TBC1D19: variants seen among roughly 807,000 people sequenced by gnomAD.
TBC1D19 encodes TBC1 domain family, member 19.
TBC1D19 carries 60 observed loss-of-function variants against 89.0 expected under a neutral mutation model. That is an observed-to-expected ratio of 0.67 (90% CI 0.55 to 0.84). The LOEUF is 0.84. TBC1D19 is among the 40% of genes least tolerant of loss of function. The pLI is 0.00. For missense variants in TBC1D19, 500 were observed against 610.8 expected (o/e 0.82, Z 1.91); for synonymous variants, 189 against 199.7 (o/e 0.95, Z 0.45).
intron 1 of TBC1D19, among the ~76,000 whole-genome samples, chr4:26,589,084 C>T (rs998859997): frequency 6.6e-6 from 1 of 151,962 alleles, no homozygotes; most frequent in Non-Finnish European, 1.5e-5. Context: ...AGACCAGCCT[C>T]GCCAACATGG....
intron 7 of TBC1D19, among the ~76,000 whole-genome samples, chr4:26,652,904 G>A (rs13128027): frequency 4.0e-5 from 6 of 151,672 alleles, no homozygotes; most frequent in Admixed American, 6.6e-5. Flanking sequence ...TCTTGCCTTC[G>A]GCTAGCTTTT....
the TBC1D19 span, chr4:26,857,953 C>T: frequency 1.3e-5 from 2 of 152,254 alleles, no homozygotes; most frequent in African/African-American, 2.4e-5. Flanking sequence ...AAGTGCGATG[C>T]GTTTATCCTA....
chr4:26,692,441 G>A (rs117450602), intron 13 of TBC1D19, among the ~76,000 whole-genome samples: 1 of 152,272 alleles, frequency 6.6e-6, no homozygotes, highest in East Asian at 1.9e-4. Flanking sequence ...GAGAAGACCA[G>A]AGGCTACCAC....
chr4:26,842,675 A>AT, the TBC1D19 span, among the ~76,000 whole-genome samples: 1 of 58,596 alleles, frequency 1.7e-5, no homozygotes, highest in Non-Finnish European at 3.6e-5. Context: ...TCTTTCTCTT[A>AT]TTTTTTTGTA....
At chr4:26,644,389 C>A (rs983697595) in intron 7 of TBC1D19, among the ~76,000 whole-genome samples, 2 of 152,184 alleles carry the variant, frequency 1.3e-5, no homozygotes, top group Non-Finnish European at 2.9e-5. Context: ...ATGCTAAAAA[C>A]TCTCAATAAA....
chr4:26,681,306 A>AGGCG (rs1713317794), intron 11 of TBC1D19, among the ~76,000 whole-genome samples: 1 of 152,026 alleles, frequency 6.6e-6, no homozygotes, highest in African/African-American at 2.4e-5. Context: ...TGGGAGGCTG[A>AGGCG]GGCGGGCAGA....
rs534309173 is a variant in TBC1D19, at chr4:26,734,671, C to T, written c.1085-784C>T. Among the ~76,000 whole-genome samples, 4 of 152,152 alleles carry T rather than the reference C, an allele frequency of 2.6e-5. No individual in the cohort carries two copies. The South Asian group carries it at 6.2e-4, about 24-fold the overall frequency. Reference sequence around the variant, plus strand: ...TAATTTTCAGTTAGTTTACTTAACACCCATAGTGTTTTCTGTAAAGCAAAT... The same window carrying T: ...TAATTTTCAGTTAGTTTACTTAACATCCATAGTGTTTTCTGTAAAGCAAAT... On this transcript the variant is annotated intron_variant, in intron 15 of 20. Coordinates refer to ENST00000264866, the MANE Select transcript of TBC1D19 (RefSeq NM_018317.4).
rs999315765 is a variant in TBC1D19 at position 26,637,156 on chromosome 4, T to A, written c.295-55T>A. ...TAATTTGTAATATCTTTAATTTTTTTATTAGTTTTAGTATTGTTACTGGAA... is the reference window on the plus strand; with the variant it reads ...TAATTTGTAATATCTTTAATTTTTTAATTAGTTTTAGTATTGTTACTGGAA... On this transcript the variant is annotated intron_variant, in intron 4 of 20. Coordinates refer to ENST00000264866, the MANE Select transcript of TBC1D19 (RefSeq NM_018317.4). 2.1e-5 allele frequency: 26 copies of A among 1,228,942 alleles called. 1 individual carries two copies. The South Asian group carries it at 2.7e-4, about 13-fold the overall frequency. 76.1% of individuals were successfully genotyped at this position (1,228,942 alleles called of 1,614,324 possible).
the TBC1D19 span, among the ~76,000 whole-genome samples, chr4:26,848,088 T>A: frequency 1.3e-5 from 2 of 152,230 alleles, no homozygotes; most frequent in Non-Finnish European, 2.9e-5. Flanking sequence ...AATTTTAATA[T>A]GACTGGGCCA....
At chr4:26,608,765 A>G (rs1741161837) in intron 1 of TBC1D19, among the ~76,000 whole-genome samples, 2 of 152,040 alleles carry the variant, frequency 1.3e-5, no homozygotes, top group Non-Finnish European at 2.9e-5. Context: ...TTCTAGGAGT[A>G]ACAGATTGGA....
intron 13 of TBC1D19, among the ~76,000 whole-genome samples, chr4:26,702,617 A>G (rs1352442119): frequency 6.6e-6 from 1 of 152,058 alleles, no homozygotes; most frequent in Non-Finnish European, 1.5e-5. Context: ...TTGTTTTTAG[A>G]TTTTACATAA....
intron 14 of TBC1D19, among the ~76,000 whole-genome samples, chr4:26,719,588 G>A (rs987965676): frequency 4.6e-5 from 7 of 151,954 alleles, no homozygotes; most frequent in African/African-American, 1.7e-4. Context: ...GGACAACTCT[G>A]ATTTCAAATA....
intron 4 of TBC1D19, among the ~76,000 whole-genome samples, chr4:26,621,757 T>A (rs1742063158): frequency 6.6e-6 from 1 of 152,160 alleles, no homozygotes; most frequent in South Asian, 2.1e-4. Context: ...TAATGTTTAT[T>A]TATCAATTTG....
At chr4:26,597,557 G>A (rs901857223) in intron 1 of TBC1D19, among the ~76,000 whole-genome samples, 1 of 146,568 alleles carries the variant, frequency 6.8e-6, no homozygotes, top group African/African-American at 2.5e-5. Flanking sequence ...TAGAGACGGG[G>A]TTTCACCATG....
the TBC1D19 span, among the ~76,000 whole-genome samples, chr4:26,846,947 A>C: frequency 6.6e-6 from 1 of 152,114 alleles, no homozygotes; most frequent in Non-Finnish European, 1.5e-5. Flanking sequence ...CCTGCTCCTA[A>C]GATGGATTTC....
At chr4:26,713,365 A>G (rs2109250438) in intron 13 of TBC1D19, among the ~76,000 whole-genome samples, 1 of 152,138 alleles carries the variant, frequency 6.6e-6, no homozygotes, top group Admixed American at 6.6e-5. Context: ...ATCAAGTATT[A>G]ATATATTTTC....
At position 26,713,276 on chromosome 4, in the gene TBC1D19, G is replaced by C. The variant is rs558138342; in HGVS notation, c.955-4657G>C. ...AATTGACCACTTAACCATTTCTAAGGGTACAGTTTAGCACTGTTAAGTATA... is the reference window on the plus strand; with the variant it reads ...AATTGACCACTTAACCATTTCTAAGCGTACAGTTTAGCACTGTTAAGTATA... On this transcript the variant is annotated intron_variant, in intron 13 of 20. Transcript: ENST00000264866. Among the ~76,000 whole-genome samples, 5 of 151,836 alleles carry C rather than the reference G, an allele frequency of 3.3e-5. No individual in the cohort carries two copies. In the East Asian group the frequency reaches 9.7e-4, roughly 29 times the overall value.
chr4:26,832,293 C>T, the TBC1D19 span, among the ~76,000 whole-genome samples: 1 of 152,134 alleles, frequency 6.6e-6, no homozygotes, highest in Non-Finnish European at 1.5e-5. Context: ...TTCCCTGATC[C>T]TCCACAGGTA....
chr4:26,634,249 T>C (rs1577842074), intron 4 of TBC1D19, among the ~76,000 whole-genome samples: 1 of 152,226 alleles, frequency 6.6e-6, no homozygotes, highest in East Asian at 1.9e-4. Context: ...CAATTCAATG[T>C]TTTCTTGCAA....
Sources: allele counts gnomAD v4.1 joint callset (sites outside exome capture counted in the v4.1 genomes callset), GRCh38; gene constraint gnomAD v4.1.1; transcripts MANE v1.5; gene names NCBI Gene and HGNC (gene_info 2026-07-23, HGNC 2026-07-21).